Variants in CCDC170 observed in about 807,000 individuals in gnomAD.
CCDC170 encodes the protein coiled-coil domain-containing protein 170.
Under a neutral mutation model 72.6 loss-of-function variants are expected in CCDC170, and 69 were observed. That is an observed-to-expected ratio of 0.95 (90% CI 0.78 to 1.16). CCDC170 has a LOEUF of 1.16. Ranked by LOEUF, CCDC170 falls within the 50% of genes most tolerant of loss-of-function variation. CCDC170 has a pLI of 0.00. For missense variants in CCDC170, 852 were observed against 832.5 expected, an observed-to-expected ratio of 1.02 and a Z score of -0.29; for synonymous variants, 300 against 303.9, an observed-to-expected ratio of 0.99 and a Z score of 0.13.
chr6:151,530,936 T>A (rs1400461014), intron 1 of CCDC170, among the ~76,000 whole-genome samples: 1 of 152,208 alleles, frequency 6.6e-6, no homozygotes, highest in Non-Finnish European at 1.5e-5. Context: ...GTGAATAGGC[T>A]CTTTGCATAT....
intron 1 of CCDC170, among the ~76,000 whole-genome samples, chr6:151,534,542 G>A (rs528090539): frequency 6.6e-6 from 1 of 152,130 alleles, no homozygotes; most frequent in Admixed American, 6.5e-5. Flanking sequence ...TGGTGTGGTG[G>A]TCAGGGTGGA....
Position 151,565,069 on chromosome 6 carries a change from C to A in CCDC170, c.775-8105C>A, listed in dbSNP as rs567108136. ...TGTCCTTGGGACACTTGTATATGTG[C>A]GATGGTGGCCTGCTGTTAGTGGGGT... On this transcript the variant is annotated intron_variant, in intron 5 of 10. Transcript: ENST00000239374. Among the ~76,000 whole-genome samples, 6 of 152,078 alleles carry A rather than the reference C, an allele frequency of 3.9e-5. 1 individual carries two copies. In the South Asian group the frequency reaches 1.0e-3, roughly 26 times the overall value.
chr6:151,618,272 A>G lies in CCDC170; in HGVS notation c.*125A>G, dbSNP rs769689338. The G allele has an allele frequency of 9.8e-6, 8 of 818,856 alleles. No individual in the cohort carries two copies. The highest frequency in any genetic ancestry group is 1.7e-5 in the African/African-American group (1 of 58,140). The allele number at this position is 818,856 out of a possible 1,614,324, so 50.7% of individuals were successfully genotyped here. ...TTTATGCTTTGATGATATAGTGAGA[A>G]TGCATCACTTGCAAAAACGATCTCA... On this transcript the variant is annotated 3_prime_UTR_variant, in exon 11 of 11. Transcript: ENST00000239374.
intron 1 of CCDC170, among the ~76,000 whole-genome samples, chr6:151,525,004 C>T (rs190879171): frequency 0.033 from 4,751 of 145,656 alleles, 107 homozygotes; most frequent in Non-Finnish European, 0.047. Flanking sequence ...GCAATCTCGG[C>T]TCACTGCAAA....
intron 5 of CCDC170, among the ~76,000 whole-genome samples, chr6:151,549,198 G>A (rs1005190198): frequency 8.6e-5 from 13 of 152,014 alleles, no homozygotes; most frequent in Non-Finnish European, 1.6e-4. Flanking sequence ...AGCCACCACG[G>A]CCGGTCTAAT....
At chr6:151,538,365 GAT>G (rs1170922617) in intron 3 of CCDC170, 64 bp downstream of exon 3, 15 of 1,466,612 alleles carry the variant, frequency 1.0e-5, no homozygotes, top group African/African-American at 2.8e-5. Flanking sequence ...CTGATAGCAA[GAT>G]ATGTCTTTGA....
intron 9 of CCDC170, among the ~76,000 whole-genome samples, chr6:151,596,804 A>G (rs1776632943): frequency 6.6e-6 from 1 of 152,182 alleles, no homozygotes; most frequent in Non-Finnish European, 1.5e-5. Context: ...GTGAAAAGTC[A>G]GTCAAAAAGT....
intron 1 of CCDC170, among the ~76,000 whole-genome samples, chr6:151,518,892 G>A (rs1782273908): frequency 6.6e-6 from 1 of 152,064 alleles, no homozygotes; most frequent in South Asian, 2.1e-4. Context: ...GCTTCAGAGG[G>A]CAAAAAGGAG....
chr6:151,556,194 G>A (rs533071152), intron 5 of CCDC170, among the ~76,000 whole-genome samples: 49 of 152,310 alleles, frequency 3.2e-4, no homozygotes, highest in African/African-American at 1.1e-3. Context: ...GGTGGCTCAC[G>A]CCTGTAATCC....
chr6:151,591,206 A>G (rs1028949064), intron 7 of CCDC170, among the ~76,000 whole-genome samples: 2 of 152,218 alleles, frequency 1.3e-5, no homozygotes, highest in Non-Finnish European at 2.9e-5. Context: ...TTAAACATTT[A>G]ATTGCCTGAA....
rs370355087 is a variant in CCDC170, at chr6:151,495,734, G to A, written c.57+1549G>A. Among the ~76,000 whole-genome samples the A allele has an allele frequency of 1.3e-3, 205 of 152,178 alleles. 7 individuals are homozygous for A. The South Asian group carries it at 0.041, about 30-fold the overall frequency. On this transcript the variant is annotated intron_variant, in intron 1 of 10. Transcript: ENST00000239374. ...TGGTCTCAAACTCCTGAGCTCAAGC[G>A]ATCCACCTGCCTCAGACTCCCAAAG...
chr6:151,505,110 G>C (rs1040257869), intron 1 of CCDC170, among the ~76,000 whole-genome samples: 1 of 152,094 alleles, frequency 6.6e-6, no homozygotes, highest in African/African-American at 2.4e-5. Context: ...GCTGCCCGCT[G>C]GCCTCCTGGG....
At chr6:151,605,892 C>G (rs975112352) in intron 9 of CCDC170, among the ~76,000 whole-genome samples, 2 of 126,064 alleles carry the variant, frequency 1.6e-5, no homozygotes, top group Non-Finnish European at 3.2e-5. Flanking sequence ...CAGCTTGCTT[C>G]TATGCCGCCA....
intron 1 of CCDC170, among the ~76,000 whole-genome samples, chr6:151,509,034 T>C (rs920712275): frequency 2.4e-5 from 3 of 127,014 alleles, no homozygotes; most frequent in East Asian, 4.7e-4. Context: ...AAAAAAAAAA[T>C]ACAAAAATAA....
At position 151,497,805 on chromosome 6, in the gene CCDC170, G is replaced by A. The variant is rs770129901; in HGVS notation, c.57+3620G>A. On this transcript the variant is annotated intron_variant, in intron 1 of 10. Transcript: ENST00000239374. ...ATCCTGGCTAACATGGTAAAACCCCGTCTGTACTAAAAATACAAAAAGTAG... is the reference window on the plus strand; with the variant it reads ...ATCCTGGCTAACATGGTAAAACCCCATCTGTACTAAAAATACAAAAAGTAG... Among the ~76,000 whole-genome samples the A allele has an allele frequency of 6.6e-5, 10 of 151,872 alleles. 1 individual carries two copies. The highest frequency in any genetic ancestry group is 4.2e-4 in the South Asian group (2 of 4,804).
At chr6:151,526,397 T>G (rs971206992) in intron 1 of CCDC170, among the ~76,000 whole-genome samples, 1 of 151,848 alleles carries the variant, frequency 6.6e-6, no homozygotes, top group Non-Finnish European at 1.5e-5. Flanking sequence ...AATTTTTGTA[T>G]TTTTTGTAGA....
At chr6:151,533,215 G>A (rs969230502) in intron 1 of CCDC170, among the ~76,000 whole-genome samples, 7 of 151,332 alleles carry the variant, frequency 4.6e-5, no homozygotes, top group Non-Finnish European at 1.0e-4. Flanking sequence ...CACCACACCC[G>A]GCTAATTTTT....
chr6:151,542,941 C>T (rs906019800), intron 3 of CCDC170, among the ~76,000 whole-genome samples: 3 of 152,120 alleles, frequency 2.0e-5, no homozygotes, highest in South Asian at 2.1e-4. Context: ...AGTCTTTTAT[C>T]GTTACACATT....
chr6:151,615,793 G>A, intron 10 of CCDC170, 114 bp downstream of exon 10: 3 of 782,102 alleles, frequency 3.8e-6, no homozygotes, highest in Non-Finnish European at 6.3e-6. Flanking sequence ...ACTGTTTCAT[G>A]AATTTGTATG....
Sources: allele counts gnomAD v4.1 joint callset (sites outside exome capture counted in the v4.1 genomes callset), GRCh38; gene constraint gnomAD v4.1.1; transcripts MANE v1.5; gene names NCBI Gene and HGNC (gene_info 2026-07-23, HGNC 2026-07-21).